Variants in LRBA observed in about 807,000 individuals in gnomAD.
LRBA encodes the protein LPS responsive beige-like anchor protein, also known as lipopolysaccharide-responsive and beige-like anchor protein.
Under a neutral mutation model 330.0 loss-of-function variants are expected in LRBA, and 176 were observed. The observed-to-expected ratio is 0.53, with a 90% confidence interval of 0.47 to 0.60. LRBA has a LOEUF of 0.60. Ranked by LOEUF, LRBA falls within the 20% of genes least tolerant of loss-of-function variation. LRBA has a pLI of 0.00. For synonymous variants in LRBA, 1,230 were observed against 1,193.0 expected (o/e 1.03, Z -0.64); for missense variants, 3,259 against 3,444.8 (o/e 0.95, Z 1.35).
chr4:150,561,816 A>G (rs2152271435), intron 40 of LRBA, among the ~76,000 whole-genome samples: 1 of 152,292 alleles, frequency 6.6e-6, no homozygotes, highest in Admixed American at 6.5e-5. Context: ...TGTAATAAAT[A>G]TAATTTGATC....
chr4:150,990,653 T>C (rs1004105744), intron 2 of LRBA, among the ~76,000 whole-genome samples: 1 of 152,164 alleles, frequency 6.6e-6, no homozygotes, highest in African/African-American at 2.4e-5. Context: ...GGAGGATCAC[T>C]TGAGCCCAGG....
intron 37 of LRBA, among the ~76,000 whole-genome samples, chr4:150,673,137 C>A (rs780000359): frequency 1.3e-5 from 2 of 152,112 alleles, no homozygotes; most frequent in Non-Finnish European, 2.9e-5. Flanking sequence ...CAAGGAGAGG[C>A]ATAAATGACT....
intron 36 of LRBA, among the ~76,000 whole-genome samples, chr4:150,719,106 C>G (rs1043118219): frequency 6.6e-6 from 1 of 152,118 alleles, no homozygotes; most frequent in African/African-American, 2.4e-5. Flanking sequence ...TTGGCACCAT[C>G]ATTCCTCACC....
At chr4:150,553,442 T>C (rs1328601588) in intron 40 of LRBA, among the ~76,000 whole-genome samples, 1 of 151,908 alleles carries the variant, frequency 6.6e-6, no homozygotes, top group Admixed American at 6.5e-5. Flanking sequence ...GTTGTGCACA[T>C]GTACCCTAGA....
At chr4:150,464,029 C>G (rs1224151758) in intron 44 of LRBA, among the ~76,000 whole-genome samples, 1 of 151,342 alleles carries the variant, frequency 6.6e-6, no homozygotes, top group Non-Finnish European at 1.5e-5. Flanking sequence ...AAAATAACCT[C>G]CCACTTGTCA....
At chr4:150,792,927 A>C (rs1054776109) in intron 34 of LRBA, among the ~76,000 whole-genome samples, 3 of 152,084 alleles carry the variant, frequency 2.0e-5, no homozygotes, top group Admixed American at 2.0e-4. Context: ...ATAAAAATAC[A>C]AAATTAGCCA....
At chr4:150,814,203 G>A (rs955954819) in intron 31 of LRBA, among the ~76,000 whole-genome samples, 1 of 151,894 alleles carries the variant, frequency 6.6e-6, no homozygotes, top group African/African-American at 2.4e-5. Context: ...TATTTTAATG[G>A]CAGATAACTT....
chr4:150,798,318 A>T (rs60620423), intron 33 of LRBA, among the ~76,000 whole-genome samples, 176 bp from the exon 34 acceptor site: 2,859 of 152,322 alleles, frequency 0.019, 90 homozygotes, highest in African/African-American at 0.065. Flanking sequence ...CAAAACTACC[A>T]CCATTTTTGT....
chr4:150,885,944 A>G (rs1476281584), intron 17 of LRBA, among the ~76,000 whole-genome samples: 1 of 152,152 alleles, frequency 6.6e-6, no homozygotes, highest in African/African-American at 2.4e-5. Flanking sequence ...CTTGTAAGAA[A>G]TAATAAAGCC....
intron 37 of LRBA, among the ~76,000 whole-genome samples, chr4:150,674,466 C>T (rs1468221090): frequency 6.6e-6 from 1 of 151,052 alleles, no homozygotes; most frequent in Non-Finnish European, 1.5e-5. Flanking sequence ...CACTGCAAAA[C>T]AGAAATAATA....
At chr4:150,667,684 C>T (rs1003569333) in intron 37 of LRBA, among the ~76,000 whole-genome samples, 8 of 152,048 alleles carry the variant, frequency 5.3e-5, no homozygotes, top group Non-Finnish European at 8.8e-5. Flanking sequence ...GAAAAGAGGC[C>T]CCAGAGAACT....
At chr4:150,687,841 T>C (rs966252596) in intron 36 of LRBA, among the ~76,000 whole-genome samples, 1 of 152,180 alleles carries the variant, frequency 6.6e-6, no homozygotes, top group African/African-American at 2.4e-5. Context: ...TGCTCATGGA[T>C]AGGAAGAATC....
chr4:150,341,177 T>A (rs1735491936), intron 48 of LRBA, among the ~76,000 whole-genome samples: 1 of 152,070 alleles, frequency 6.6e-6, no homozygotes, highest in African/African-American at 2.4e-5. Flanking sequence ...TAGCTGCTCT[T>A]TTGAGACAGA....
rs1752908333 is a variant in LRBA at position 150,867,752 on chromosome 4, T to C, written c.2685A>G (p.Arg895=). 1 of 1,613,972 alleles carries C rather than the reference T, an allele frequency of 6.2e-7. No homozygotes were observed. Among genetic ancestry groups the C allele is most frequent in the Non-Finnish European group, 8.5e-7 (1 of 1,179,896 alleles). Residue 895 remains arginine (R), a synonymous_variant, in exon 22 of 57, where the codon AGA becomes AGG. Coordinates refer to ENST00000651943, the MANE Select transcript of LRBA (RefSeq NM_001364905.1). The part of the protein sequence containing the change: ...KITEMVYAIF[R]ILLYHAVKYE... ...ATTTGACTGCATGGTAAAGCAGGAT[T>C]CTGAATATGGCGTATACCATTTCTG...
intron 40 of LRBA, among the ~76,000 whole-genome samples, chr4:150,509,318 A>G (rs1761544964): frequency 6.6e-6 from 1 of 152,126 alleles, no homozygotes; most frequent in African/African-American, 2.4e-5. Flanking sequence ...AGTAAGAGAA[A>G]AAAACGAAAA....
At chr4:150,657,926 C>A (rs1780375752) in intron 37 of LRBA, among the ~76,000 whole-genome samples, 1 of 152,012 alleles carries the variant, frequency 6.6e-6, no homozygotes, top group African/African-American at 2.4e-5. Context: ...CATTATTTTG[C>A]TTTTACTGCA....
intron 47 of LRBA, 69 bp from the exon 48 acceptor site, chr4:150,350,228 CA>C (rs1736952932): frequency 8.2e-7 from 1 of 1,223,672 alleles, no homozygotes; most frequent in Non-Finnish European, 1.1e-6. Context: ...ACATTTAGAG[CA>C]ATCAGTAAAG....
chr4:150,676,488 T>C (rs1210296936), intron 37 of LRBA, among the ~76,000 whole-genome samples: 1 of 152,138 alleles, frequency 6.6e-6, no homozygotes, highest in Non-Finnish European at 1.5e-5. Flanking sequence ...AAAAGAAGAA[T>C]TGTTCCAATA....
chr4:150,771,916 G>A (rs999292492), intron 34 of LRBA, among the ~76,000 whole-genome samples: 1 of 152,152 alleles, frequency 6.6e-6, no homozygotes, highest in East Asian at 1.9e-4. Context: ...ATTATCCTCT[G>A]TTGAAGTCAC....
Sources: gnomAD v4.1 joint callset for allele counts (sites outside exome capture counted in the v4.1 genomes callset) on GRCh38, gnomAD v4.1.1 for gene constraint, MANE v1.5 for transcripts, NCBI Gene and HGNC (gene_info 2026-07-23, HGNC 2026-07-21) for gene names.